Variants in UNC79 observed in about 807,000 individuals in gnomAD.
The protein encoded by UNC79 is protein unc-79 homolog.
In UNC79, 37 loss-of-function variants were observed where a neutral mutation model predicts 283.1. The ratio of observed to expected loss-of-function variants is 0.13; its 90% confidence interval spans 0.10 to 0.17. The LOEUF is 0.17. Among genes scored for constraint, UNC79 ranks in the 10% least tolerant of loss-of-function variants. The pLI is 1.00. For missense variants in UNC79, 2,272 were observed against 3,211.1 expected (o/e 0.71, Z 7.07); for synonymous variants, 1,107 against 1,200.2 (o/e 0.92, Z 1.61).
chr14:93,566,081 T>G (rs1308320310), intron 14 of UNC79, among the ~76,000 whole-genome samples: 2 of 152,160 alleles, frequency 1.3e-5, no homozygotes, highest in Non-Finnish European at 2.9e-5. Flanking sequence ...AAACTCCCAG[T>G]TGCAGCAATA....
intron 2 of UNC79, among the ~76,000 whole-genome samples, chr14:93,470,227 C>T (rs1176572646): frequency 6.6e-6 from 1 of 152,082 alleles, no homozygotes; most frequent in Non-Finnish European, 1.5e-5. Context: ...TCACTTGAGT[C>T]AGGGTTGCAT....
intron 1 of UNC79, among the ~76,000 whole-genome samples, chr14:93,344,988 A>T (rs973620215): frequency 7.2e-5 from 11 of 152,188 alleles, no homozygotes; most frequent in East Asian, 3.9e-4. Flanking sequence ...GCTTGAGGCC[A>T]GGAGTTCAAG....
intron 1 of UNC79, among the ~76,000 whole-genome samples, chr14:93,416,646 G>A (rs1317825982): frequency 6.6e-6 from 1 of 152,094 alleles, no homozygotes; most frequent in Non-Finnish European, 1.5e-5. Flanking sequence ...TTATTATTGT[G>A]TGGGAGTCTA....
chr14:93,358,279 C>T (rs1235968022), intron 1 of UNC79, among the ~76,000 whole-genome samples: 7 of 152,086 alleles, frequency 4.6e-5, no homozygotes, highest in African/African-American at 1.7e-4. Context: ...ATACCTTTGA[C>T]TATATGTGGA....
chr14:93,692,848 T>A (rs1285087427), intron 46 of UNC79, among the ~76,000 whole-genome samples: 2 of 152,168 alleles, frequency 1.3e-5, no homozygotes, highest in South Asian at 2.1e-4. Flanking sequence ...TCTGACTGTG[T>A]ATTGGAGGAG....
Position 93,514,765 on chromosome 14 carries a change from T to C in UNC79, c.899-9213T>C, listed in dbSNP as rs151303424. On this transcript the variant is annotated intron_variant, in intron 7 of 48. Coordinates refer to ENST00000555664, the Ensembl canonical transcript of UNC79. Reference sequence around the variant, plus strand: ...TTTTCTATGCTGCATTTTGGAAATATCACCAGGCAGAAAGCCAAGGTGAAT... The same window carrying C: ...TTTTCTATGCTGCATTTTGGAAATACCACCAGGCAGAAAGCCAAGGTGAAT... Among the ~76,000 whole-genome samples the C allele has an allele frequency of 2.4e-3, 367 of 152,326 alleles. 2 individuals are homozygous for C. The highest frequency in any genetic ancestry group is 4.5e-3 in the Non-Finnish European group (309 of 68,026).
intron 5 of UNC79, among the ~76,000 whole-genome samples, chr14:93,490,375 T>A (rs1444329777): frequency 3.3e-5 from 5 of 152,220 alleles, no homozygotes; most frequent in Non-Finnish European, 7.3e-5. Flanking sequence ...TTAAGTCTTC[T>A]TCCTCCTTGA....
At position 93,499,807 on chromosome 14, in the gene UNC79, A is replaced by G. The variant is rs111659211; in HGVS notation, c.898+2521A>G. ...TGGGAAGGGGTATTTGTTAAGGCAGATTCTCAAGTAAGTGACATTTAAGCT... is the reference window on the plus strand; with the variant it reads ...TGGGAAGGGGTATTTGTTAAGGCAGGTTCTCAAGTAAGTGACATTTAAGCT... On this transcript the variant is annotated intron_variant, in intron 7 of 48. Coordinates refer to ENST00000555664, the Ensembl canonical transcript of UNC79. Among the ~76,000 whole-genome samples, 1,429 of 152,226 alleles carry G rather than the reference A, an allele frequency of 9.4e-3. 24 individuals carry two copies. The highest frequency in any genetic ancestry group is 0.032 in the African/African-American group (1,345 of 41,544).
At chr14:93,529,547 A>G (rs1446142456) in intron 10 of UNC79, among the ~76,000 whole-genome samples, 1 of 152,234 alleles carries the variant, frequency 6.6e-6, no homozygotes, top group Non-Finnish European at 1.5e-5. Context: ...AATTAAGGGT[A>G]GATATTGGAA....
chr14:93,366,933 CAA>C (rs1413373341), intron 1 of UNC79, among the ~76,000 whole-genome samples: 1 of 152,038 alleles, frequency 6.6e-6, no homozygotes, highest in Non-Finnish European at 1.5e-5. Context: ...GATTCTTAAC[CAA>C]AAGACAGTAT....
At chr14:93,366,624 G>A (rs1208875957) in intron 1 of UNC79, among the ~76,000 whole-genome samples, 2 of 150,210 alleles carry the variant, frequency 1.3e-5, no homozygotes, top group Non-Finnish European at 3.0e-5. Flanking sequence ...CCAGGCTGGA[G>A]TACAGTGGCA....
chr14:93,493,179 A>G (rs2058820699), intron 5 of UNC79, among the ~76,000 whole-genome samples: 1 of 152,128 alleles, frequency 6.6e-6, no homozygotes, highest in Non-Finnish European at 1.5e-5. Flanking sequence ...TAATGTGAAC[A>G]AGGCCTACAA....
chr14:93,600,801 G>A (rs747718859), intron 25 of UNC79, 31 bp downstream of exon 25: 103 of 1,602,540 alleles, frequency 6.4e-5, no homozygotes, highest in Admixed American at 8.4e-5. Context: ...GCTGTAAACC[G>A]TTGCAGTTCC....
chr14:93,653,011 A>G (rs1029306703), intron 35 of UNC79, among the ~76,000 whole-genome samples: 7 of 152,206 alleles, frequency 4.6e-5, no homozygotes, highest in Non-Finnish European at 1.0e-4. Flanking sequence ...TAGATGTGGC[A>G]CAATGAGGTA....
chr14:93,514,815 C>CT, intron 7 of UNC79, among the ~76,000 whole-genome samples: 1 of 152,136 alleles, frequency 6.6e-6, no homozygotes, highest in Non-Finnish European at 1.5e-5. Context: ...GTATGCTTTA[C>CT]TTTTTAAAAA....
chr14:93,691,713 G>A lies in UNC79; in HGVS notation c.7273-36G>A, dbSNP rs1276844955. 8 of 1,609,882 alleles carry A rather than the reference G, an allele frequency of 5.0e-6. No individual in the cohort carries two copies. In the East Asian group the frequency reaches 1.6e-4, roughly 31 times the overall value. On this transcript the variant is annotated intron_variant, in intron 45 of 48. Transcript: ENST00000555664. ...TCCGTGGAGGGCCACAGCCTGCTGGGATGCAATGCACTGATGCCGTCTTCT... is the reference window on the plus strand; with the variant it reads ...TCCGTGGAGGGCCACAGCCTGCTGGAATGCAATGCACTGATGCCGTCTTCT...
Position 93,621,951 on chromosome 14 carries a change from C to T in UNC79, c.4718C>T (p.Ala1573Val), listed in dbSNP as rs1345307090. 6.2e-7 allele frequency: 1 copy of T among 1,613,924 alleles called. No individual in the cohort carries two copies. The highest frequency in any genetic ancestry group is 1.1e-5 in the South Asian group (1 of 91,046). ...CCAGCTATGGAAGGGTTTCCAGATG[C>T]TCGAAGGCCTGTCATACCAGAGGTT... The change falls in exon 30 of 49, where the codon GCT becomes GTT. Residue 1573 changes from alanine (A) to valine (V), a missense_variant. Physicochemically the swap from Ala to Val is moderately conservative, Grantham distance 64 (BLOSUM62 0). Transcript: ENST00000555664. The surrounding 1 kb of genome is among the most constrained non-coding windows in gnomAD (Gnocchi z 4.8).
intron 39 of UNC79, among the ~76,000 whole-genome samples, chr14:93,660,545 ATATATATATATATATATATGTGTGTG>A (rs1357681506): frequency 5.0e-5 from 6 of 119,234 alleles, no homozygotes; most frequent in African/African-American, 2.3e-4. Flanking sequence ...ATATATATAT[ATATATATATATATATATATGTGTGTG>A]TGTGTGTGTT....
chr14:93,419,060 G>A (rs2055532056), intron 1 of UNC79, among the ~76,000 whole-genome samples: 1 of 151,682 alleles, frequency 6.6e-6, no homozygotes, highest in Non-Finnish European at 1.5e-5. Flanking sequence ...GCACTCCCTA[G>A]TGAGATGAAC....
Sources: allele counts gnomAD v4.1 joint callset (sites outside exome capture counted in the v4.1 genomes callset), GRCh38; gene constraint gnomAD v4.1.1; non-coding constraint Gnocchi (gnomAD v3.1); transcripts MANE v1.5; gene names NCBI Gene and HGNC (gene_info 2026-07-23, HGNC 2026-07-21).